FAF1: variants seen among roughly 807,000 people sequenced by gnomAD.
The protein encoded by FAF1 is FAS-associated factor 1.
In FAF1, 25 loss-of-function variants were observed where a neutral mutation model predicts 92.5. The observed-to-expected ratio is 0.27, with a 90% CI of 0.20 to 0.38. The LOEUF (loss-of-function observed/expected upper bound fraction) is 0.38. Ranked by LOEUF, FAF1 falls within the 10% of genes least tolerant of loss-of-function variation. The probability of loss-of-function intolerance (pLI) is 1.00; values close to 1 mark genes in which losing one functional copy is unlikely to be tolerated. For missense variants in FAF1, 636 were observed against 793.3 expected, an observed-to-expected ratio of 0.80 and a Z score of 2.38; for synonymous variants, 234 against 273.2, an observed-to-expected ratio of 0.86 and a Z score of 1.42.
intron 1 of FAF1, among the ~76,000 whole-genome samples, chr1:50,934,367 T>C (rs1645070500): frequency 6.6e-6 from 1 of 152,202 alleles, no homozygotes; most frequent in African/African-American, 2.4e-5. Context: ...CAAAGAAATT[T>C]CTTTATAATT....
chr1:50,757,607 CTTTTCATTTTTAGT>C lies in FAF1; in HGVS notation c.368-12846_368-12833del, dbSNP rs552076026. Among the ~76,000 whole-genome samples the C allele has an allele frequency of 6.0e-4, 92 of 152,134 alleles. 1 individual carries two copies. The East Asian group carries it at 0.014, about 23-fold the overall frequency. Reference sequence around the variant, plus strand: ...CAATTTTCATACATATTTTCCAGTTCTTTTCATTTTTAGTTTTTATTCAATTTCTATACTTTATA... The same window carrying C: ...CAATTTTCATACATATTTTCCAGTTCTTTTATTCAATTTCTATACTTTATA... On this transcript the variant is annotated intron_variant, in intron 4 of 18. Transcript: ENST00000396153.
intron 1 of FAF1, among the ~76,000 whole-genome samples, chr1:50,953,704 A>C (rs1474406031): frequency 6.6e-6 from 1 of 151,922 alleles, no homozygotes. Context: ...ACGCCACTGC[A>C]CTACAGCCTG....
At position 50,438,494 on chromosome 1, in the gene FAF1, G is replaced by C; in HGVS notation, c.*2946C>G. Reference sequence around the variant, plus strand: ...ACTATAATGTGCAATGCCTATATGAGTTACTCCTGGACTGAACTAAAGACT... The same window carrying C: ...ACTATAATGTGCAATGCCTATATGACTTACTCCTGGACTGAACTAAAGACT... On this transcript the variant is annotated 3_prime_UTR_variant, in exon 19 of 19. Coordinates refer to ENST00000396153, the MANE Select transcript of FAF1 (RefSeq NM_007051.3). 6.6e-6 allele frequency: 1 copy of C among 152,230 alleles called. No individual in the cohort carries two copies. The allele number at this position is 152,230 out of a possible 1,614,324, so 9.4% of individuals were successfully genotyped here.
intron 2 of FAF1, among the ~76,000 whole-genome samples, chr1:50,807,868 C>A (rs1309489361): frequency 2.0e-5 from 3 of 152,116 alleles, no homozygotes; most frequent in Non-Finnish European, 4.4e-5. Context: ...TTTTTTCCAA[C>A]CTTGCTAAAC....
intron 13 of FAF1, among the ~76,000 whole-genome samples, chr1:50,555,483 C>T (rs1315278523): frequency 6.6e-6 from 1 of 151,998 alleles, no homozygotes; most frequent in African/African-American, 2.4e-5. Context: ...AGAAGATGTA[C>T]AAATGGCCAA....
At chr1:50,952,417 T>G (rs1042027776) in intron 1 of FAF1, among the ~76,000 whole-genome samples, 1 of 152,220 alleles carries the variant, frequency 6.6e-6, no homozygotes, top group East Asian at 1.9e-4. Context: ...GTGCTCAATG[T>G]TGCCCAGGCT....
chr1:50,883,349 C>A (rs1269389904), intron 1 of FAF1, among the ~76,000 whole-genome samples: 6 of 152,164 alleles, frequency 3.9e-5, no homozygotes, highest in Non-Finnish European at 5.9e-5. Context: ...CCCCAGATTA[C>A]TTGCTAATTT....
chr1:50,661,518 G>T (rs1655374544), intron 7 of FAF1, among the ~76,000 whole-genome samples: 2 of 152,062 alleles, frequency 1.3e-5, no homozygotes, highest in African/African-American at 2.4e-5. Flanking sequence ...TGAAACTACA[G>T]CCATCCATCT....
chr1:50,453,135 T>C (rs1328800126), intron 18 of FAF1, among the ~76,000 whole-genome samples: 1 of 152,250 alleles, frequency 6.6e-6, no homozygotes, highest in Non-Finnish European at 1.5e-5. Context: ...AAGACGTGGC[T>C]GGAAAGACAG....
At chr1:50,511,293 C>T (rs1424836229) in intron 15 of FAF1, among the ~76,000 whole-genome samples, 1 of 152,104 alleles carries the variant, frequency 6.6e-6, no homozygotes, top group Admixed American at 6.5e-5. Context: ...CTGTGTAGAA[C>T]GTGCAGGTTT....
intron 4 of FAF1, among the ~76,000 whole-genome samples, chr1:50,777,942 TTC>T (rs372271328): frequency 1.5e-3 from 224 of 152,302 alleles, no homozygotes; most frequent in African/African-American, 5.1e-3. Context: ...CACGCTATGA[TTC>T]AGCAGCTCCA....
chr1:50,940,821 G>T (rs927794964), intron 1 of FAF1, among the ~76,000 whole-genome samples: 7 of 152,162 alleles, frequency 4.6e-5, no homozygotes, highest in Admixed American at 4.6e-4. Flanking sequence ...CACACAACTT[G>T]AAGATAAGCA....
At position 50,441,283 on chromosome 1, in the gene FAF1, T is replaced by C; in HGVS notation, c.*157A>G. The C allele has an allele frequency of 1.9e-6, 1 of 535,718 alleles. No individual in the cohort carries two copies. Among genetic ancestry groups the C allele is most frequent in the East Asian group, 3.1e-5 (1 of 32,628 alleles). 33.2% of individuals were successfully genotyped at this position (535,718 alleles called of 1,614,324 possible). ...TCATGGATGGGAAATCTTAAGTAGC[T>C]ATATTTATTATTACTTTTTCCAGCA... On this transcript the variant is annotated 3_prime_UTR_variant, in exon 19 of 19. Transcript: ENST00000396153.
At chr1:50,670,590 C>A (rs886399093) in intron 7 of FAF1, among the ~76,000 whole-genome samples, 2 of 152,084 alleles carry the variant, frequency 1.3e-5, no homozygotes, top group East Asian at 1.9e-4. Flanking sequence ...TAAATTAATT[C>A]TTCAAAATTA....
At chr1:50,613,433 T>C (rs1652768508) in intron 8 of FAF1, among the ~76,000 whole-genome samples, 1 of 152,244 alleles carries the variant, frequency 6.6e-6, no homozygotes. Context: ...ATTTCATACT[T>C]AATGTTCCTG....
chr1:50,832,045 C>T (rs1176568935), intron 2 of FAF1, among the ~76,000 whole-genome samples: 1 of 151,978 alleles, frequency 6.6e-6, no homozygotes, highest in African/African-American at 2.4e-5. Flanking sequence ...CTATCACCCC[C>T]AGATGGGACC....
At chr1:50,712,126 G>C (rs1188352047) in intron 6 of FAF1, among the ~76,000 whole-genome samples, 2 of 152,178 alleles carry the variant, frequency 1.3e-5, no homozygotes, top group Non-Finnish European at 2.9e-5. Flanking sequence ...AACACAGTAA[G>C]ATCACATTTC....
chr1:50,648,016 T>A (rs1176431103), intron 8 of FAF1, among the ~76,000 whole-genome samples: 2 of 152,120 alleles, frequency 1.3e-5, no homozygotes, highest in Admixed American at 1.3e-4. Context: ...CCTGGCACTT[T>A]GGGAGGCCGA....
At chr1:50,759,304 C>G (rs1372964300) in intron 4 of FAF1, among the ~76,000 whole-genome samples, 1 of 121,324 alleles carries the variant, frequency 8.2e-6, no homozygotes, top group African/African-American at 3.1e-5. Context: ...TCCCCCCTCC[C>G]CCCCACCCCA....
Sources: allele counts gnomAD v4.1 joint callset (sites outside exome capture counted in the v4.1 genomes callset), GRCh38; gene constraint gnomAD v4.1.1; transcripts MANE v1.5; gene names NCBI Gene and HGNC (gene_info 2026-07-23, HGNC 2026-07-21).